MAP7: variants seen among roughly 807,000 people sequenced by gnomAD.
MAP7 encodes the protein microtubule associated protein 7, also known as ensconsin.
Under a neutral mutation model 94.8 loss-of-function variants are expected in MAP7, and 52 were observed. The ratio of observed to expected loss-of-function variants is 0.55; its 90% CI spans 0.44 to 0.69. MAP7 has a LOEUF of 0.69. MAP7 is among the 30% of genes least tolerant of loss of function. MAP7 has a pLI of 0.00. For synonymous variants in MAP7, 350 were observed against 357.0 expected (o/e 0.98, Z 0.22); for missense variants, 940 against 964.6 (o/e 0.97, Z 0.34).
At chr6:136,344,575 G>C (rs1244701942) in intron 17 of MAP7, among the ~76,000 whole-genome samples, 1 of 152,108 alleles carries the variant, frequency 6.6e-6, no homozygotes. Context: ...AACATATGTT[G>C]GAGGTTAAAT....
intron 1 of MAP7, among the ~76,000 whole-genome samples, chr6:136,519,341 C>G (rs373102097): frequency 5.1e-4 from 78 of 152,182 alleles, no homozygotes; most frequent in African/African-American, 1.7e-3. Context: ...TTAAATTTTA[C>G]GGCTAAAACC....
chr6:136,504,703 C>G (rs1820852189), intron 1 of MAP7, among the ~76,000 whole-genome samples: 1 of 151,832 alleles, frequency 6.6e-6, no homozygotes, highest in South Asian at 2.1e-4. Flanking sequence ...ATTTTTTAGA[C>G]ATAGTCTCGC....
intron 1 of MAP7, among the ~76,000 whole-genome samples, chr6:136,441,239 A>G (rs1158078536): frequency 2.0e-5 from 3 of 152,220 alleles, no homozygotes; most frequent in Non-Finnish European, 4.4e-5. Context: ...AGTCTTAAAG[A>G]TAATTTTGCT....
In MAP7 at chr6:136,541,399, T is replaced by C. The variant is rs374943670; in HGVS notation, c.67+8943A>G. 6.6e-5 allele frequency among the ~76,000 whole-genome samples: 10 copies of C among 152,330 alleles called. No individual in the cohort carries two copies. The Middle Eastern group carries it at 0.01, about 155-fold the overall frequency. Reference sequence around the variant, plus strand: ...TCAGAGGTTATGCCATAGTGAAGGATAGTTCTCTTTACTAGAAAGCCAACT... The same window carrying C: ...TCAGAGGTTATGCCATAGTGAAGGACAGTTCTCTTTACTAGAAAGCCAACT... On this transcript the variant is annotated intron_variant, in intron 1 of 17. Transcript: ENST00000354570.
chr6:136,486,962 T>C (rs896489017), intron 1 of MAP7, among the ~76,000 whole-genome samples: 1 of 150,094 alleles, frequency 6.7e-6, no homozygotes, highest in Non-Finnish European at 1.5e-5. Flanking sequence ...AGAAGAAATA[T>C]GTAATTGACA....
At chr6:136,447,320 C>A (rs1284174890) in intron 1 of MAP7, among the ~76,000 whole-genome samples, 1 of 152,176 alleles carries the variant, frequency 6.6e-6, no homozygotes, top group African/African-American at 2.4e-5. Flanking sequence ...AAACATCTGG[C>A]AAGGCTTCTC....
chr6:136,496,777 T>TAAAA (rs1171059105), intron 1 of MAP7, among the ~76,000 whole-genome samples: 6 of 53,316 alleles, frequency 1.1e-4, no homozygotes, highest in East Asian at 4.7e-4. Flanking sequence ...CCGTCTCTAC[T>TAAAA]AAAAAAAAAA....
rs796614613 is a variant in MAP7, at chr6:136,380,760, C to T, written c.638-2892G>A. ...AAAGTAATCTTATCAGTCCATGTAA[C>T]ACCATATTCAGGTGTAATAATTAAA... On this transcript the variant is annotated intron_variant, in intron 6 of 17. Transcript: ENST00000354570. Among the ~76,000 whole-genome samples the T allele has an allele frequency of 4.6e-5, 7 of 152,300 alleles. 1 individual carries two copies. The highest frequency in any genetic ancestry group is 1.7e-4 in the African/African-American group (7 of 41,548).
chr6:136,487,888 C>T (rs777159809), intron 1 of MAP7, among the ~76,000 whole-genome samples: 16 of 152,246 alleles, frequency 1.1e-4, no homozygotes, highest in Non-Finnish European at 2.2e-4. Context: ...AACATGGACA[C>T]GCACTTCATA....
At chr6:136,404,020 A>G (rs1298401454) in intron 3 of MAP7, among the ~76,000 whole-genome samples, 1 of 152,232 alleles carries the variant, frequency 6.6e-6, no homozygotes, top group Non-Finnish European at 1.5e-5. Flanking sequence ...TATTTGGATT[A>G]GAAAGATTAC....
chr6:136,469,584 G>A (rs1206482942), intron 1 of MAP7, among the ~76,000 whole-genome samples: 1 of 151,998 alleles, frequency 6.6e-6, no homozygotes, highest in African/African-American at 2.4e-5. Flanking sequence ...TTGCCATGTT[G>A]CCATGTTGCC....
At chr6:136,472,184 T>C (rs1261418007) in intron 1 of MAP7, among the ~76,000 whole-genome samples, 5 of 152,342 alleles carry the variant, frequency 3.3e-5, no homozygotes, top group South Asian at 4.1e-4. Flanking sequence ...CATGGGAAAC[T>C]TGTAGTGAAA....
At chr6:136,443,369 A>G (rs1798409449) in intron 1 of MAP7, among the ~76,000 whole-genome samples, 2 of 152,092 alleles carry the variant, frequency 1.3e-5, no homozygotes, top group South Asian at 4.1e-4. Context: ...GAATATGTCT[A>G]CATGGAGGGT....
chr6:136,374,474 C>G (rs975116693), intron 7 of MAP7, among the ~76,000 whole-genome samples: 1 of 152,176 alleles, frequency 6.6e-6, no homozygotes, highest in African/African-American at 2.4e-5. Flanking sequence ...CAGCCGGAGG[C>G]CATTCACCTT....
At chr6:136,391,527 T>C (rs949889119) in intron 3 of MAP7, among the ~76,000 whole-genome samples, 3 of 142,170 alleles carry the variant, frequency 2.1e-5, no homozygotes, top group African/African-American at 7.9e-5. Flanking sequence ...AATGTGCACA[T>C]GTACCCTAAA....
chr6:136,542,156 A>C (rs1374107966), intron 1 of MAP7, among the ~76,000 whole-genome samples: 1 of 152,242 alleles, frequency 6.6e-6, no homozygotes, highest in Non-Finnish European at 1.5e-5. Flanking sequence ...AAGATACTAA[A>C]GAGAATAATA....
Position 136,377,808 on chromosome 6 carries a change from G to A in MAP7, c.698C>T (p.Thr233Ile), listed in dbSNP as rs1703913964. 1.2e-6 allele frequency: 2 copies of A among 1,614,040 alleles called. No individual in the cohort carries two copies. Among genetic ancestry groups the A allele is most frequent in the Admixed American group, 1.7e-5 (1 of 60,002 alleles). Residue 233 changes from threonine (T) to isoleucine (I), a missense_variant, in exon 7 of 18, where the codon ACA (threonine) becomes ATA (isoleucine). Physicochemically the swap from Thr to Ile is moderately conservative, Grantham distance 89 (BLOSUM62 -1). Coordinates refer to ENST00000354570, the MANE Select transcript of MAP7 (RefSeq NM_003980.6). ...SSVVNRLLTP[T>I]HSFLARSKST... ...TTTACTTCTGGCCAGGAACGAATGT[G>A]TGGGCGTCAGGAGTCTGTTAACAAC...
intron 1 of MAP7, chr6:136,525,731 T>C (rs2129053068): frequency 1.5e-6 from 2 of 1,321,246 alleles, no homozygotes; most frequent in Non-Finnish European, 2.0e-6. Context: ...AAGCACTCCC[T>C]GGAGCATGCA....
At chr6:136,366,242 T>G in intron 9 of MAP7, 85 bp downstream of exon 9, 1 of 1,197,736 alleles carries the variant, frequency 8.3e-7, no homozygotes, top group Non-Finnish European at 1.2e-6. Context: ...CCAAACAGCA[T>G]GAGAAGAACA....
Sources: gnomAD v4.1 joint callset for allele counts (sites outside exome capture counted in the v4.1 genomes callset) on GRCh38, gnomAD v4.1.1 for gene constraint, MANE v1.5 for transcripts, NCBI Gene and HGNC (gene_info 2026-07-23, HGNC 2026-07-21) for gene names.